Variants in LPIN1 observed in about 807,000 individuals in gnomAD.
LPIN1 encodes the protein phosphatidate phosphatase LPIN1.
In LPIN1, 71 loss-of-function variants were observed where a neutral mutation model predicts 107.5. That is an observed-to-expected ratio of 0.66 (90% CI 0.55 to 0.80). LPIN1 has a LOEUF of 0.80. Among genes scored for constraint, LPIN1 ranks in the 30% least tolerant of loss-of-function variants. The pLI is 0.00. For missense variants in LPIN1, 1,043 were observed against 1,160.6 expected, an observed-to-expected ratio of 0.90 and a Z score of 1.47; for synonymous variants, 445 against 452.6, an observed-to-expected ratio of 0.98 and a Z score of 0.21.
intron 1 of LPIN1, among the ~76,000 whole-genome samples, chr2:11,728,771 C>T (rs1444477542): frequency 6.6e-6 from 1 of 151,944 alleles, no homozygotes; most frequent in African/African-American, 2.4e-5. Context: ...TCTATTTTAT[C>T]TCCCTATTGA....
chr2:11,687,311 T>G (rs1200001317), intron 1 of LPIN1, among the ~76,000 whole-genome samples: 1 of 152,222 alleles, frequency 6.6e-6, no homozygotes, highest in East Asian at 1.9e-4. Flanking sequence ...ATTACCCAGT[T>G]TTGTTTTTCA....
intron 20 of LPIN1, among the ~76,000 whole-genome samples, chr2:11,824,044 T>C (rs1175934336): frequency 6.6e-6 from 1 of 152,202 alleles, no homozygotes; most frequent in African/African-American, 2.4e-5. Context: ...TAATGTTGCA[T>C]ATGTTATTTT....
At chr2:11,761,579 G>A (rs1392262991) in intron 1 of LPIN1, among the ~76,000 whole-genome samples, 1 of 152,056 alleles carries the variant, frequency 6.6e-6, no homozygotes, top group Non-Finnish European at 1.5e-5. Context: ...TGCATTCTTT[G>A]TAGGTATCAT....
chr2:11,701,036 C>G (rs1662846692), intron 1 of LPIN1, among the ~76,000 whole-genome samples: 1 of 152,188 alleles, frequency 6.6e-6, no homozygotes, highest in Admixed American at 6.5e-5. Flanking sequence ...CTCCCCCTCA[C>G]TCTGTGTTCT....
At position 11,786,821 on chromosome 2, in the gene LPIN1, G is replaced by A. The variant is rs554694659; in HGVS notation, c.1550-253G>A. On this transcript the variant is annotated intron_variant, in intron 10 of 20. Coordinates refer to ENST00000674199, the MANE Select transcript of LPIN1 (RefSeq NM_001349206.2). The surrounding 1 kb of genome is among the most constrained non-coding windows in gnomAD (Gnocchi z 4.1). ...TTTCACCCCTACTCCCTGTGTGAAC[G>A]TATGTGCCTCAACTAAGGTACACGT... Among the ~76,000 whole-genome samples the A allele has an allele frequency of 7.8e-4, 119 of 152,336 alleles. 1 individual carries two copies. Among genetic ancestry groups the A allele is most frequent in the African/African-American group, 2.6e-3 (108 of 41,578 alleles).
At chr2:11,688,359 C>T (rs1295480413) in intron 1 of LPIN1, among the ~76,000 whole-genome samples, 2 of 152,224 alleles carry the variant, frequency 1.3e-5, no homozygotes, top group African/African-American at 4.8e-5. Flanking sequence ...AGTAACCTCC[C>T]AGAGCTACCA....
rs1670683044 is a variant in LPIN1, at chr2:11,765,388, G to T, written c.-9-145G>T. The T allele has an allele frequency of 6.8e-6, 5 of 733,710 alleles. No homozygotes were observed. In the South Asian group the frequency reaches 7.3e-5, roughly 11 times the overall value. 45.4% of individuals were successfully genotyped at this position (733,710 alleles called of 1,614,324 possible). On this transcript the variant is annotated intron_variant, in intron 1 of 20. Coordinates refer to ENST00000674199, the MANE Select transcript of LPIN1 (RefSeq NM_001349206.2). This position sits in a 1 kb window ranked among gnomAD's most constrained non-coding sequence, Gnocchi z 4.4. ...TGATGGACCCTGATGGGCTATGGGG[G>T]TGGATAGAACACATTCCGGAAATGA...
At chr2:11,779,666 G>A (rs1437865805) in intron 7 of LPIN1, 21 bp downstream of exon 7, 12 of 1,613,402 alleles carry the variant, frequency 7.4e-6, no homozygotes, top group Non-Finnish European at 7.6e-6. Flanking sequence ...CTTCAATTCT[G>A]CCACGGACCG....
chr2:11,713,961 G>A, intron 2 of LPIN1: 1 of 550,188 alleles, frequency 1.8e-6, no homozygotes, highest in Non-Finnish European at 3.2e-6. Flanking sequence ...TTCAGAGATT[G>A]CCCGCAGCAC....
intron 1 of LPIN1, among the ~76,000 whole-genome samples, chr2:11,680,638 G>T (rs1400290313): frequency 1.3e-5 from 2 of 152,226 alleles, no homozygotes; most frequent in Non-Finnish European, 2.9e-5. Context: ...GCTGACGGGG[G>T]TGGAGCTTTC....
intron 10 of LPIN1, 54 bp downstream of exon 10, chr2:11,785,130 G>C: frequency 7.2e-7 from 1 of 1,396,906 alleles, no homozygotes. Context: ...AGAAGGCGCA[G>C]AGGCTTAGGC....
intron 16 of LPIN1, 84 bp from the exon 17 acceptor site, chr2:11,804,982 GTTTT>G (rs372751097): frequency 1.0e-4 from 71 of 703,792 alleles, no homozygotes; most frequent in Non-Finnish European, 1.4e-4. Flanking sequence ...TCTTGTTTGT[GTTTT>G]TTTTTTTTTT....
chr2:11,730,962 GTGC>G (rs1467994952), intron 1 of LPIN1, among the ~76,000 whole-genome samples: 1 of 152,194 alleles, frequency 6.6e-6, no homozygotes, highest in East Asian at 1.9e-4. Context: ...ATTCTCTGCT[GTGC>G]TGATTAAGAC....
intron 1 of LPIN1, among the ~76,000 whole-genome samples, chr2:11,739,864 G>A (rs866052506): frequency 2.0e-5 from 3 of 152,194 alleles, no homozygotes; most frequent in South Asian, 2.1e-4. Context: ...ATAACCATAT[G>A]CGAATGACAT....
At chr2:11,797,613 G>T (rs1045413409) in intron 14 of LPIN1, among the ~76,000 whole-genome samples, 1 of 152,172 alleles carries the variant, frequency 6.6e-6, no homozygotes, top group South Asian at 2.1e-4. Context: ...CACTTGCATG[G>T]GGCTTGTAGC....
intron 10 of LPIN1, among the ~76,000 whole-genome samples, chr2:11,785,873 G>A (rs1179732845): frequency 6.6e-6 from 1 of 152,168 alleles, no homozygotes; most frequent in Non-Finnish European, 1.5e-5. Context: ...TCACGCCCGT[G>A]CCAGCCAGTC....
In LPIN1 at chr2:11,792,027, A is replaced by G. The variant is rs932140049; in HGVS notation, c.1806+21A>G. On this transcript the variant is annotated intron_variant, in intron 13 of 20. Transcript: ENST00000674199. The stretch of plus-strand genomic sequence containing the variant: ...AGGAGGTAAGCCCAGAAGACAAAGC[A>G]GTGCTCACACTTAGCAAGTGTTGGT... 4.4e-6 allele frequency: 7 copies of G among 1,602,450 alleles called. No homozygotes were observed. The East Asian group carries it at 8.9e-5, about 20-fold the overall frequency.
At chr2:11,741,082 C>G in intron 1 of LPIN1, 1 of 293,284 alleles carries the variant, frequency 3.4e-6, no homozygotes, top group Non-Finnish European at 6.3e-6. Context: ...AGAAGACAGG[C>G]TTGACAAGGA....
chr2:11,714,005 G>A (rs950009277), intron 2 of LPIN1, among the ~76,000 whole-genome samples: 1 of 152,232 alleles, frequency 6.6e-6, no homozygotes, highest in Admixed American at 6.5e-5. Flanking sequence ...CCATGGAGCT[G>A]TGAACATTTT....
Sources: gnomAD v4.1 joint callset for allele counts (sites outside exome capture counted in the v4.1 genomes callset) on GRCh38, gnomAD v4.1.1 for gene constraint, Gnocchi (gnomAD v3.1) non-coding constraint, MANE v1.5 for transcripts, NCBI Gene and HGNC (gene_info 2026-07-23, HGNC 2026-07-21) for gene names.